Variants in COL24A1 observed in about 807,000 individuals in gnomAD.
COL24A1 encodes collagen alpha-1(XXIV) chain.
In COL24A1, 224 loss-of-function variants were observed where a neutral mutation model predicts 253.9. That is an observed-to-expected ratio of 0.88 (90% CI 0.79 to 0.99). The LOEUF (loss-of-function observed/expected upper bound fraction) is 0.99. Ranked by LOEUF, COL24A1 falls within the 50% of genes least tolerant of loss-of-function variation. The pLI is 0.00. For missense variants in COL24A1, 2,131 were observed against 2,068.5 expected (o/e 1.03, Z -0.59); for synonymous variants, 685 against 673.7 (o/e 1.02, Z -0.26).
intron 19 of COL24A1, among the ~76,000 whole-genome samples, chr1:86,006,373 G>C (rs1695958589): frequency 6.6e-6 from 1 of 152,164 alleles, no homozygotes; most frequent in Non-Finnish European, 1.5e-5. Flanking sequence ...ACAGTCACCT[G>C]ATCTTTGACA....
Position 86,031,925 on chromosome 1 carries a change from A to AAAT in COL24A1, c.2005-4_2005-3insATT. ...GGACCAGTGCCACCTACAAGTCCCTATTGTAAAAGAAATTTGCAATACTTA... is the reference window on the plus strand; with the variant it reads ...GGACCAGTGCCACCTACAAGTCCCTAAATTTGTAAAAGAAATTTGCAATACTTA... On this transcript the variant is annotated splice_polypyrimidine_tract_variant and splice_region_variant and intron_variant, in intron 13 of 59. Coordinates refer to ENST00000370571, the MANE Select transcript of COL24A1 (RefSeq NM_152890.7). 1 of 1,608,030 alleles carries AAAT rather than the reference A, an allele frequency of 6.2e-7. No homozygotes were observed.
chr1:86,073,113 T>G (rs1420189845), intron 7 of COL24A1, among the ~76,000 whole-genome samples: 1 of 152,084 alleles, frequency 6.6e-6, no homozygotes, highest in Non-Finnish European at 1.5e-5. Flanking sequence ...CAAAACTGGA[T>G]GGAGAATGAG....
At chr1:85,954,778 G>C (rs921069902) in intron 24 of COL24A1, among the ~76,000 whole-genome samples, 13 of 152,160 alleles carry the variant, frequency 8.5e-5, no homozygotes, top group African/African-American at 2.6e-4. Context: ...TTATAGATAC[G>C]AGTAGCCTAA....
At chr1:86,116,596 A>G (rs1055597764) in intron 3 of COL24A1, among the ~76,000 whole-genome samples, 1 of 152,162 alleles carries the variant, frequency 6.6e-6, no homozygotes, top group African/African-American at 2.4e-5. Flanking sequence ...CAAAAACACA[A>G]GAGGGAAATG....
chr1:86,115,376 A>G lies in COL24A1; in HGVS notation c.1494T>C (p.Gly498=). The G allele has an allele frequency of 6.2e-7, 1 of 1,613,742 alleles. No homozygotes were observed. Among genetic ancestry groups the G allele is most frequent in the Non-Finnish European group, 8.5e-7 (1 of 1,179,810 alleles). ...RGPKGDTGPP[G]PPGPAGIPGP... is the part of the protein sequence containing the mutation. ...CTGGGATACCTGCTGGACCAGGTGG[A>G]CCCTTGGAAAACAAATGTCAAGACA... The change falls in exon 4 of 60, where the codon GGT becomes GGC. Residue 498 remains glycine (G), a splice_region_variant and synonymous_variant. Coordinates refer to ENST00000370571, the MANE Select transcript of COL24A1 (RefSeq NM_152890.7).
intron 24 of COL24A1, among the ~76,000 whole-genome samples, chr1:85,942,954 T>C (rs1430308166): frequency 1.3e-5 from 2 of 152,148 alleles, no homozygotes; most frequent in Non-Finnish European, 2.9e-5. Flanking sequence ...AAGCATTACT[T>C]TGGGTGTGTC....
At position 86,061,693 on chromosome 1, in the gene COL24A1, C is replaced by T. The variant is rs1701105338; in HGVS notation, c.1752+2022G>A. Among the ~76,000 whole-genome samples, 3 of 151,948 alleles carry T rather than the reference C, an allele frequency of 2.0e-5. No homozygotes were observed. In the South Asian group the frequency reaches 6.2e-4, roughly 32 times the overall value. On this transcript the variant is annotated intron_variant, in intron 8 of 59. Coordinates refer to ENST00000370571, the MANE Select transcript of COL24A1 (RefSeq NM_152890.7). ...TGGCATAAACGTATTCTGAGCCAAC[C>T]ACACCCTAGAATCACTGAGACAACC... is the stretch of plus-strand genomic sequence containing the variant.
intron 1 of COL24A1, among the ~76,000 whole-genome samples, chr1:86,148,971 G>A (rs1652340987): frequency 6.6e-6 from 1 of 152,110 alleles, no homozygotes; most frequent in South Asian, 2.1e-4. Flanking sequence ...CACCAACAGT[G>A]TAAAAGTGTT....
intron 53 of COL24A1, among the ~76,000 whole-genome samples, chr1:85,763,261 C>CA (rs1173728946): frequency 6.6e-5 from 10 of 151,240 alleles, no homozygotes; most frequent in Admixed American, 2.0e-4. Flanking sequence ...TACTAAAATA[C>CA]AAAAAAATTA....
intron 47 of COL24A1, among the ~76,000 whole-genome samples, chr1:85,801,159 G>T (rs412328): frequency 0.86 from 130,686 of 152,180 alleles, 56,399 homozygotes; most frequent in Non-Finnish European, 0.89. Flanking sequence ...TTTTCCTCCT[G>T]TATCTGACTG....
intron 55 of COL24A1, among the ~76,000 whole-genome samples, chr1:85,756,483 G>A (rs1310248038): frequency 2.6e-5 from 4 of 152,034 alleles, no homozygotes; most frequent in African/African-American, 9.7e-5. Context: ...AAATCGTTAG[G>A]AAAATGCATG....
At chr1:85,886,380 G>C (rs1682495027) in intron 32 of COL24A1, among the ~76,000 whole-genome samples, 1 of 150,766 alleles carries the variant, frequency 6.6e-6, no homozygotes, top group African/African-American at 2.4e-5. Context: ...AATCAAAAAT[G>C]GTTGGCTGGA....
intron 43 of COL24A1, among the ~76,000 whole-genome samples, chr1:85,825,009 G>T (rs1210191894): frequency 6.6e-6 from 1 of 151,044 alleles, no homozygotes; most frequent in Non-Finnish European, 1.5e-5. Context: ...TGCCATGCTG[G>T]TGTGCTGCAC....
At chr1:85,889,860 C>T (rs1682925494) in intron 31 of COL24A1, among the ~76,000 whole-genome samples, 2 of 151,596 alleles carry the variant, frequency 1.3e-5, no homozygotes, top group South Asian at 4.2e-4. Flanking sequence ...AGAACTTTTT[C>T]ATCTTCCCAA....
intron 28 of COL24A1, among the ~76,000 whole-genome samples, chr1:85,900,165 T>C (rs941137945): frequency 1.3e-5 from 2 of 152,138 alleles, no homozygotes; most frequent in Non-Finnish European, 2.9e-5. Flanking sequence ...TAAAAAATAC[T>C]TTTACTACTC....
intron 33 of COL24A1, among the ~76,000 whole-genome samples, 177 bp downstream of exon 33, chr1:85,876,945 T>C (rs185617133): frequency 2.2e-4 from 33 of 152,336 alleles, no homozygotes; most frequent in Non-Finnish European, 7.4e-5. Context: ...ACTTTATATG[T>C]ATAAAATTAG....
At chr1:85,829,523 A>C (rs1381334625) in intron 43 of COL24A1, among the ~76,000 whole-genome samples, 1 of 151,888 alleles carries the variant, frequency 6.6e-6, no homozygotes, top group Non-Finnish European at 1.5e-5. Flanking sequence ...AGTGTTTTCC[A>C]ACTTGGTTCC....
intron 13 of COL24A1, among the ~76,000 whole-genome samples, chr1:86,032,809 A>G (rs1261021956): frequency 1.3e-5 from 2 of 152,168 alleles, no homozygotes. Flanking sequence ...TTAAATGAAG[A>G]GCAGATTTCA....
At chr1:85,901,619 TG>T in intron 28 of COL24A1, among the ~76,000 whole-genome samples, 1 of 152,060 alleles carries the variant, frequency 6.6e-6, no homozygotes, top group Admixed American at 6.5e-5. Flanking sequence ...GAGACCAGCC[TG>T]GCCAACATGG....
Sources: gnomAD v4.1 joint callset for allele counts (sites outside exome capture counted in the v4.1 genomes callset) on GRCh38, gnomAD v4.1.1 for gene constraint, MANE v1.5 for transcripts, NCBI Gene and HGNC (gene_info 2026-07-23, HGNC 2026-07-21) for gene names.